Variants in ST6GALNAC3 observed in about 807,000 individuals in gnomAD.
ST6GALNAC3 encodes the protein ST6 N-acetylgalactosaminide alpha-2,6-sialyltransferase 3, also known as alpha-N-acetylgalactosaminide alpha-2,6-sialyltransferase 3.
A neutral mutation model predicts 32.7 loss-of-function variants in ST6GALNAC3; 25 were observed. The ratio of observed to expected loss-of-function variants is 0.76; its 90% CI spans 0.56 to 1.07. ST6GALNAC3 has a LOEUF of 1.07. ST6GALNAC3 is among the 50% of genes least tolerant of loss of function. The probability of loss-of-function intolerance (pLI) is 0.00; values close to 1 mark genes in which losing one functional copy is unlikely to be tolerated. For synonymous variants in ST6GALNAC3, 129 were observed against 133.1 expected, an observed-to-expected ratio of 0.97 and a Z score of 0.21; for missense variants, 355 against 382.4, an observed-to-expected ratio of 0.93 and a Z score of 0.60.
rs1435972679 is a variant in ST6GALNAC3, at chr1:76,633,216, C to G, written c.*4410C>G. Reference sequence around the variant, plus strand: ...ATGTTTTCTTCTCTAGTGCTTTTTCCACTACACTTTTTAGACAGAAGAGTA... The same window carrying G: ...ATGTTTTCTTCTCTAGTGCTTTTTCGACTACACTTTTTAGACAGAAGAGTA... On this transcript the variant is annotated 3_prime_UTR_variant, in exon 5 of 5. Coordinates refer to ENST00000328299, the MANE Select transcript of ST6GALNAC3 (RefSeq NM_152996.4). The G allele has an allele frequency of 6.6e-6, 1 of 152,142 alleles. No homozygotes were observed. Among genetic ancestry groups the G allele is most frequent in the African/African-American group, 2.4e-5 (1 of 41,432 alleles). 9.4% of individuals were successfully genotyped at this position (152,142 alleles called of 1,614,324 possible). A position where few individuals can be genotyped will look rare whatever the true frequency, so the allele number is the denominator to read the frequency against.
At chr1:76,521,084 TA>T (rs1344413018) in intron 3 of ST6GALNAC3, among the ~76,000 whole-genome samples, 1 of 152,064 alleles carries the variant, frequency 6.6e-6, no homozygotes, top group Non-Finnish European at 1.5e-5. Context: ...TTTTAATGCC[TA>T]AGAGATAAAA....
intron 3 of ST6GALNAC3, among the ~76,000 whole-genome samples, chr1:76,458,565 A>G: frequency 6.7e-6 from 1 of 148,434 alleles, no homozygotes; most frequent in African/African-American, 2.5e-5. Flanking sequence ...ATAAAAAATG[A>G]TGAATTCATG....
intron 3 of ST6GALNAC3, among the ~76,000 whole-genome samples, chr1:76,429,744 C>A (rs891710969): frequency 2.0e-5 from 3 of 152,070 alleles, no homozygotes; most frequent in African/African-American, 7.2e-5. Flanking sequence ...TGACTCTTGG[C>A]CGCTCTCATC....
chr1:76,534,885 T>C (rs540739087), intron 3 of ST6GALNAC3, among the ~76,000 whole-genome samples: 1 of 152,326 alleles, frequency 6.6e-6, no homozygotes, highest in African/African-American at 2.4e-5. Flanking sequence ...AGGATACCTA[T>C]GTTCTAGTTT....
intron 1 of ST6GALNAC3, among the ~76,000 whole-genome samples, chr1:76,099,108 A>G (rs1418949076): frequency 6.6e-6 from 1 of 152,090 alleles, no homozygotes; most frequent in Non-Finnish European, 1.5e-5. Context: ...AATTCTAGTG[A>G]TCCATTGATC....
Position 76,420,965 on chromosome 1 carries a change from A to G in ST6GALNAC3, c.623+8548A>G, listed in dbSNP as rs555094019. 1.3e-3 allele frequency among the ~76,000 whole-genome samples: 192 copies of G among 152,116 alleles called. 1 individual carries two copies. Among genetic ancestry groups the G allele is most frequent in the Non-Finnish European group, 2.4e-3 (161 of 67,966 alleles). ...TTTCTACCATGCGTTATTGTTATTT[A>G]TGTTTAATCTCTTCAAGTGGTCCAT... is the stretch of plus-strand genomic sequence containing the variant. On this transcript the variant is annotated intron_variant, in intron 3 of 4. Coordinates refer to ENST00000328299, the MANE Select transcript of ST6GALNAC3 (RefSeq NM_152996.4).
At chr1:76,478,760 CTT>C (rs397861238) in intron 3 of ST6GALNAC3, among the ~76,000 whole-genome samples, 16 of 109,070 alleles carry the variant, frequency 1.5e-4, no homozygotes, top group African/African-American at 3.3e-4. Context: ...TTTATTAATT[CTT>C]TTTTTTTTTT....
intron 1 of ST6GALNAC3, among the ~76,000 whole-genome samples, chr1:76,158,796 A>G (rs1234497924): frequency 1.3e-5 from 2 of 152,090 alleles, no homozygotes; most frequent in East Asian, 3.9e-4. Context: ...AGTTCTTGAT[A>G]TTTACTTAGT....
chr1:76,167,822 C>T (rs1028294049), intron 1 of ST6GALNAC3, among the ~76,000 whole-genome samples: 7 of 152,070 alleles, frequency 4.6e-5, no homozygotes, highest in African/African-American at 1.7e-4. Context: ...TCTGTGGGGT[C>T]AGTGGTAATA....
chr1:76,254,615 A>T (rs1352232170), intron 1 of ST6GALNAC3, among the ~76,000 whole-genome samples: 1 of 152,138 alleles, frequency 6.6e-6, no homozygotes, highest in African/African-American at 2.4e-5. Flanking sequence ...CAAAAGCTGA[A>T]TTCAAGACTG....
chr1:76,118,754 T>C (rs1256544640), intron 1 of ST6GALNAC3, among the ~76,000 whole-genome samples: 1 of 152,138 alleles, frequency 6.6e-6, no homozygotes, highest in African/African-American at 2.4e-5. Context: ...TCTATAAGGA[T>C]TCTCATTTCC....
At chr1:76,197,721 C>T (rs527524799) in intron 1 of ST6GALNAC3, among the ~76,000 whole-genome samples, 2 of 152,238 alleles carry the variant, frequency 1.3e-5, no homozygotes, top group Non-Finnish European at 2.9e-5. Flanking sequence ...TAGGAAATGA[C>T]AAGAGGGTAG....
Position 76,525,906 on chromosome 1 carries a change from G to A in ST6GALNAC3, c.624-101546G>A, listed in dbSNP as rs1389583354. 2.0e-5 allele frequency among the ~76,000 whole-genome samples: 3 copies of A among 147,538 alleles called. No individual in the cohort carries two copies. In the Admixed American group the frequency reaches 2.1e-4, roughly 10 times the overall value. The stretch of plus-strand genomic sequence containing the variant: ...CAAATTTTTATTACCAAATGCTTCA[G>A]ATGGACACCTCTTTAATATGTACCT... On this transcript the variant is annotated intron_variant, in intron 3 of 4. Transcript: ENST00000328299.
At chr1:76,419,946 T>TTC (rs1304548086) in intron 3 of ST6GALNAC3, among the ~76,000 whole-genome samples, 2 of 92,676 alleles carry the variant, frequency 2.2e-5, no homozygotes, top group African/African-American at 6.3e-5. Context: ...CTTTCTTTCT[T>TTC]TTTTTTTTTT....
chr1:76,182,536 T>C (rs956848585), intron 1 of ST6GALNAC3, among the ~76,000 whole-genome samples: 1 of 152,190 alleles, frequency 6.6e-6, no homozygotes, highest in African/African-American at 2.4e-5. Flanking sequence ...CTTGTGTGTG[T>C]GTTGTGGGGG....
At chr1:76,431,626 A>G (rs1220172821) in intron 3 of ST6GALNAC3, among the ~76,000 whole-genome samples, 1 of 152,144 alleles carries the variant, frequency 6.6e-6, no homozygotes, top group Non-Finnish European at 1.5e-5. Flanking sequence ...CTCTATGTAG[A>G]AAGAGCTACA....
At chr1:76,185,049 G>A (rs942568461) in intron 1 of ST6GALNAC3, among the ~76,000 whole-genome samples, 1 of 152,100 alleles carries the variant, frequency 6.6e-6, no homozygotes, top group Non-Finnish European at 1.5e-5. Flanking sequence ...GCACAACCCT[G>A]TGAATCCATA....
intron 3 of ST6GALNAC3, among the ~76,000 whole-genome samples, chr1:76,517,300 T>G (rs1357264382): frequency 6.6e-6 from 1 of 151,832 alleles, no homozygotes; most frequent in East Asian, 1.9e-4. Flanking sequence ...TCTTACACAT[T>G]TTTGGTACCT....
At chr1:76,257,702 T>C (rs966044156) in intron 1 of ST6GALNAC3, among the ~76,000 whole-genome samples, 2 of 152,114 alleles carry the variant, frequency 1.3e-5, no homozygotes, top group African/African-American at 4.8e-5. Flanking sequence ...GTACCCACTG[T>C]TCACTAATGA....
Sources: allele counts gnomAD v4.1 joint callset (sites outside exome capture counted in the v4.1 genomes callset), GRCh38; gene constraint gnomAD v4.1.1; transcripts MANE v1.5; gene names NCBI Gene and HGNC (gene_info 2026-07-23, HGNC 2026-07-21).